Variants in CLSTN2 observed in about 807,000 individuals in gnomAD.
The protein encoded by CLSTN2 is calsyntenin-2.
A neutral mutation model predicts 101.2 loss-of-function variants in CLSTN2; 48 were observed. That is an observed-to-expected ratio of 0.47 (90% confidence interval 0.38 to 0.60). The LOEUF is 0.60. CLSTN2 is among the 20% of genes least tolerant of loss of function. The pLI is 0.00. For synonymous variants in CLSTN2, 481 were observed against 463.6 expected (o/e 1.04, Z -0.48); for missense variants, 1,160 against 1,238.2 (o/e 0.94, Z 0.95).
chr3:140,531,322 T>C (rs2107778811), intron 8 of CLSTN2, among the ~76,000 whole-genome samples: 1 of 152,262 alleles, frequency 6.6e-6, no homozygotes, highest in South Asian at 2.1e-4. Context: ...AAAAGAACAT[T>C]AATGAAAAAA....
In CLSTN2 at chr3:140,574,286, G is replaced by A. The variant is rs1024616432; in HGVS notation, c.*8033G>A. ...GTGCAGTGAACAGAGGACAACATTT[G>A]TGATGCACGTGGGAGAAAACAGGAG... On this transcript the variant is annotated 3_prime_UTR_variant, in exon 17 of 17. Transcript: ENST00000458420. 6.6e-6 allele frequency: 1 copy of A among 152,252 alleles called. No homozygotes were observed. Among genetic ancestry groups the A allele is most frequent in the Non-Finnish European group, 1.5e-5 (1 of 68,058 alleles). The allele number at this position is 152,252 out of a possible 1,614,324, so 9.4% of individuals were successfully genotyped here.
intron 1 of CLSTN2, among the ~76,000 whole-genome samples, chr3:140,148,550 C>G (rs563239322): frequency 6.6e-6 from 1 of 152,228 alleles, no homozygotes; most frequent in African/African-American, 2.4e-5. Context: ...AAGTAATAGT[C>G]CATATCTAAT....
intron 2 of CLSTN2, among the ~76,000 whole-genome samples, chr3:140,389,119 A>T (rs1428290275): frequency 7.5e-6 from 1 of 133,760 alleles, no homozygotes; most frequent in East Asian, 2.2e-4. Context: ...TGTTCATGAC[A>T]AATAGAGCTC....
intron 10 of CLSTN2, among the ~76,000 whole-genome samples, chr3:140,555,652 GAT>G (rs1935777526): frequency 6.6e-6 from 1 of 152,206 alleles, no homozygotes; most frequent in South Asian, 2.1e-4. Flanking sequence ...TGAATTCACA[GAT>G]ATGTTTCTGA....
At chr3:140,194,297 G>C (rs919125760) in intron 2 of CLSTN2, among the ~76,000 whole-genome samples, 5 of 152,104 alleles carry the variant, frequency 3.3e-5, no homozygotes, top group Admixed American at 3.3e-4. Context: ...CATGGTGGAA[G>C]GGATGAGGAA....
At chr3:140,247,658 G>A (rs142654486) in intron 2 of CLSTN2, among the ~76,000 whole-genome samples, 1 of 152,250 alleles carries the variant, frequency 6.6e-6, no homozygotes, top group Non-Finnish European at 1.5e-5. Context: ...CTTCTGAAGG[G>A]GGTCACATTT....
chr3:139,987,436 C>T (rs907573267), intron 1 of CLSTN2, among the ~76,000 whole-genome samples: 12 of 152,272 alleles, frequency 7.9e-5, no homozygotes, highest in Non-Finnish European at 1.6e-4. Context: ...TGAAAATAGA[C>T]GATAAAGTAA....
intron 2 of CLSTN2, among the ~76,000 whole-genome samples, chr3:140,372,811 G>A (rs1177424202): frequency 6.6e-6 from 1 of 152,202 alleles, no homozygotes; most frequent in Non-Finnish European, 1.5e-5. Context: ...AAAGGTTCTG[G>A]CTCACACCTG....
At chr3:139,976,845 T>G (rs1245698254) in intron 1 of CLSTN2, among the ~76,000 whole-genome samples, 1 of 152,188 alleles carries the variant, frequency 6.6e-6, no homozygotes, top group Non-Finnish European at 1.5e-5. Flanking sequence ...TGCATGCATG[T>G]GCACACATGT....
intron 1 of CLSTN2, among the ~76,000 whole-genome samples, chr3:140,025,132 T>G (rs1034670611): frequency 2.0e-5 from 3 of 152,180 alleles, no homozygotes; most frequent in South Asian, 2.1e-4. Flanking sequence ...CAGCTCCCCA[T>G]TTTTTGTTTG....
Position 140,563,200 on chromosome 3 carries a change from T to G in CLSTN2, c.2479T>G (p.Ser827Ala), listed in dbSNP as rs527906084. 6.2e-7 allele frequency: 1 copy of G among 1,613,658 alleles called. No individual in the cohort carries two copies. The highest frequency in any genetic ancestry group is 1.7e-5 in the Admixed American group (1 of 59,974). ...GTCCCGGAGTAGCATCCAGCACAGTTCAGGTAGGGTGCCCAAGAGGAGGGA... is the reference window on the plus strand; with the variant it reads ...GTCCCGGAGTAGCATCCAGCACAGTGCAGGTAGGGTGCCCAAGAGGAGGGA... Reference protein sequence around the residue: ...PESRSSIQHSSVVPSIATVVI... With the variant: ...PESRSSIQHSAVVPSIATVVI... Residue 827 changes from serine (S) to alanine (A), a missense_variant, in exon 15 of 17, where the codon TCA becomes GCA. Coordinates refer to ENST00000458420, the MANE Select transcript of CLSTN2 (RefSeq NM_022131.3).
chr3:140,329,999 T>A (rs1210960794), intron 2 of CLSTN2, among the ~76,000 whole-genome samples: 1 of 152,182 alleles, frequency 6.6e-6, no homozygotes, highest in East Asian at 1.9e-4. Flanking sequence ...ACCTTTATTG[T>A]TTAGGGCTGG....
At chr3:140,171,473 C>T (rs540110502) in intron 1 of CLSTN2, among the ~76,000 whole-genome samples, 1 of 150,954 alleles carries the variant, frequency 6.6e-6, no homozygotes, top group East Asian at 1.9e-4. Context: ...CAGCTCTGAA[C>T]TGACCTTTTG....
At chr3:140,485,900 C>T (rs144837887) in intron 8 of CLSTN2, among the ~76,000 whole-genome samples, 12,305 of 152,156 alleles carry the variant, frequency 0.081, 642 homozygotes, top group Non-Finnish European at 0.11. Flanking sequence ...TGACCCCTTG[C>T]GCTTCCCAGG....
chr3:139,938,449 G>A (rs911383813), intron 1 of CLSTN2, among the ~76,000 whole-genome samples: 2 of 152,200 alleles, frequency 1.3e-5, no homozygotes, highest in Non-Finnish European at 2.9e-5. Flanking sequence ...CAGAATCACT[G>A]TACTTTCAGT....
chr3:140,496,427 T>C (rs1934468033), intron 8 of CLSTN2, among the ~76,000 whole-genome samples: 1 of 152,196 alleles, frequency 6.6e-6, no homozygotes, highest in South Asian at 2.1e-4. Flanking sequence ...TAACTTGACT[T>C]CCTCTCTTTC....
chr3:140,101,028 A>G (rs774015607), intron 1 of CLSTN2, among the ~76,000 whole-genome samples: 238 of 152,348 alleles, frequency 1.6e-3, no homozygotes, highest in Non-Finnish European at 2.4e-3. Context: ...CTGGTTGGAA[A>G]GAAGCACCTG....
rs974826986 is a variant in CLSTN2, at chr3:140,559,005, A to T, written c.2041+148A>T. ...AGCGTAATGTATTATAGCAAAACAGACAAAGCAATAAACAAATGAAATGAA... is the reference window on the plus strand; with the variant it reads ...AGCGTAATGTATTATAGCAAAACAGTCAAAGCAATAAACAAATGAAATGAA... On this transcript the variant is annotated intron_variant, in intron 12 of 16. Coordinates refer to ENST00000458420, the MANE Select transcript of CLSTN2 (RefSeq NM_022131.3). 10 of 641,104 alleles carry T rather than the reference A, an allele frequency of 1.6e-5. No homozygotes were observed. In the Admixed American group the frequency reaches 2.9e-4, roughly 19 times the overall value. 39.7% of individuals were successfully genotyped at this position (641,104 alleles called of 1,614,324 possible).
intron 5 of CLSTN2, among the ~76,000 whole-genome samples, chr3:140,423,796 C>T (rs2088532742): frequency 6.6e-6 from 1 of 152,208 alleles, no homozygotes; most frequent in East Asian, 1.9e-4. Context: ...ATTGCAGACA[C>T]CCCTTCCCCT....
Sources: gnomAD v4.1 joint callset for allele counts (sites outside exome capture counted in the v4.1 genomes callset) on GRCh38, gnomAD v4.1.1 for gene constraint, MANE v1.5 for transcripts, NCBI Gene and HGNC (gene_info 2026-07-23, HGNC 2026-07-21) for gene names.